VCAM1: variants seen among roughly 807,000 people sequenced by gnomAD.
VCAM1 encodes vascular cell adhesion protein 1.
In VCAM1, 41 loss-of-function variants were observed where a neutral mutation model predicts 63.8. The ratio of observed to expected loss-of-function variants is 0.64; its 90% CI spans 0.50 to 0.83. VCAM1 has a LOEUF of 0.83. VCAM1 is among the 40% of genes least tolerant of loss of function. The pLI is 0.00. For missense variants in VCAM1, 798 were observed against 875.5 expected, an observed-to-expected ratio of 0.91 and a Z score of 1.12; for synonymous variants, 338 against 320.7, an observed-to-expected ratio of 1.05 and a Z score of -0.58.
chr1:100,728,525 C>T (rs1445842953), intron 4 of VCAM1, among the ~76,000 whole-genome samples: 1 of 151,890 alleles, frequency 6.6e-6, no homozygotes, highest in Non-Finnish European at 1.5e-5. Context: ...TTGAATCAGA[C>T]CCACCTGGCA....
Position 100,731,228 on chromosome 1 carries a change from G to A in VCAM1, c.1235G>A (p.Ser412Asn), listed in dbSNP as rs1557905708. The A allele has an allele frequency of 6.2e-7, 1 of 1,612,700 alleles. No homozygotes were observed. Among genetic ancestry groups the A allele is most frequent in the East Asian group, 2.2e-5 (1 of 44,846 alleles). Residue 412 changes from serine to asparagine, a missense_variant, in exon 6 of 9, where the codon AGT becomes AAT. Transcript: ENST00000294728. This position sits in a 1 kb window ranked among gnomAD's most constrained non-coding sequence, Gnocchi z 4.2. ...CCTAGAGATCCAGAAATCGAGATGA[G>A]TGGTGGCCTCGTGAATGGGAGCTCT... Reference protein sequence around the residue: ...SFPRDPEIEMSGGLVNGSSVT... With the variant: ...SFPRDPEIEMNGGLVNGSSVT...
intron 6 of VCAM1, 28 bp from the exon 7 acceptor site, chr1:100,732,390 A>G: frequency 6.6e-7 from 1 of 1,517,762 alleles, no homozygotes; most frequent in South Asian, 1.3e-5. Context: ...ATAATAGGTC[A>G]AGCTAACAAG....
intron 8 of VCAM1, chr1:100,736,189 T>G (rs573278943): frequency 6.6e-6 from 1 of 152,342 alleles, no homozygotes; most frequent in East Asian, 1.9e-4. Flanking sequence ...CTAATTGCTT[T>G]ATCAAATTAG....
At chr1:100,727,797 A>G (rs976066438) in intron 4 of VCAM1, among the ~76,000 whole-genome samples, 3 of 152,120 alleles carry the variant, frequency 2.0e-5, no homozygotes, top group Admixed American at 6.6e-5. Flanking sequence ...GTTTTTGTGA[A>G]TGAGCTCTCT....
At chr1:100,735,777 A>G (rs1391264108) in intron 8 of VCAM1, 1 of 152,228 alleles carries the variant, frequency 6.6e-6, no homozygotes, top group African/African-American at 2.4e-5. Flanking sequence ...AGAAGGGGAA[A>G]ACATCACGAT....
chr1:100,732,783 A>G, intron 7 of VCAM1, 99 bp downstream of exon 7: 1 of 1,330,934 alleles, frequency 7.5e-7, no homozygotes, highest in Non-Finnish European at 1.0e-6. Flanking sequence ...TTTTACTACA[A>G]AAGTGTGATG....
chr1:100,732,705 G>A lies in VCAM1; in HGVS notation c.1792+21G>A, dbSNP rs745964919. The A allele has an allele frequency of 2.6e-6, 4 of 1,535,070 alleles. No homozygotes were observed. The South Asian group carries it at 5.2e-5, about 20-fold the overall frequency. ...CCAAGGTGAGCAGAGTGTGAGTAATGAGTTATCCTTGCTAGTAATGTTTTT... is the reference window on the plus strand; with the variant it reads ...CCAAGGTGAGCAGAGTGTGAGTAATAAGTTATCCTTGCTAGTAATGTTTTT... On this transcript the variant is annotated intron_variant, in intron 7 of 8. Coordinates refer to ENST00000294728, the MANE Select transcript of VCAM1 (RefSeq NM_001078.4).
chr1:100,731,166 GA>G lies in VCAM1; in HGVS notation c.1205-30del. 1 of 1,556,560 alleles carries G rather than the reference GA, an allele frequency of 6.4e-7. No homozygotes were observed. Among genetic ancestry groups the G allele is most frequent in the Non-Finnish European group, 8.7e-7 (1 of 1,154,898 alleles). ...AGCTCAATTTTTCCTTGAATATCAAGAATAAAAATCGTTTTTGCTTGCGATT... is the reference window on the plus strand; with the variant it reads ...AGCTCAATTTTTCCTTGAATATCAAGATAAAAATCGTTTTTGCTTGCGATT... On this transcript the variant is annotated intron_variant, in intron 5 of 8. Coordinates refer to ENST00000294728, the MANE Select transcript of VCAM1 (RefSeq NM_001078.4). This position sits in a 1 kb window ranked among gnomAD's most constrained non-coding sequence, Gnocchi z 4.2.
In VCAM1 at chr1:100,723,248, G is replaced by A; in HGVS notation, c.569G>A (p.Gly190Glu). The A allele has an allele frequency of 6.2e-7, 1 of 1,613,080 alleles. No individual in the cohort carries two copies. Among genetic ancestry groups the A allele is most frequent in the Non-Finnish European group, 8.5e-7 (1 of 1,179,372 alleles). The change falls in exon 3 of 9, where the codon GGA becomes GAA. Residue 190 changes from glycine to glutamate, a missense_variant. Transcript: ENST00000294728. ...TTTACTCCTGTCATTGAGGATATTGGAAAAGTTCTTGTTTGCCGAGCTAAA... is the reference window on the plus strand; with the variant it reads ...TTTACTCCTGTCATTGAGGATATTGAAAAAGTTCTTGTTTGCCGAGCTAAA... ...VTFTPVIEDI[G>E]KVLVCRAKLH... is the part of the protein sequence containing the mutation.
chr1:100,729,412 T>TG (rs769438544), intron 5 of VCAM1, 30 bp downstream of exon 5: 1 of 1,510,364 alleles, frequency 6.6e-7, no homozygotes, highest in South Asian at 1.4e-5. Context: ...GTTTACTGTT[T>TG]TTTTTTTTCA....
intron 4 of VCAM1, among the ~76,000 whole-genome samples, chr1:100,726,171 C>T (rs1200814264): frequency 2.0e-5 from 3 of 152,012 alleles, no homozygotes; most frequent in Non-Finnish European, 4.4e-5. Context: ...CTGTGCCTGG[C>T]TTGTTTCACT....
In VCAM1 at chr1:100,738,366, T is replaced by A. The variant is rs549123893; in HGVS notation, c.*83T>A. ...GCTCATCATTCCTTGAGAAAAACAA[T>A]GAGCTGAGAGGCAGACTTCCCTGAA... On this transcript the variant is annotated 3_prime_UTR_variant, in exon 9 of 9. Coordinates refer to ENST00000294728, the MANE Select transcript of VCAM1 (RefSeq NM_001078.4). The A allele has an allele frequency of 3.4e-6, 5 of 1,449,886 alleles. No homozygotes were observed. The South Asian group carries it at 7.1e-5, about 21-fold the overall frequency. The allele number at this position is 1,449,886 out of a possible 1,614,324, so 89.8% of individuals were successfully genotyped here.
intron 1 of VCAM1, 123 bp from the exon 2 acceptor site, chr1:100,720,353 A>T (rs1659915347): frequency 3.8e-6 from 5 of 1,306,470 alleles, no homozygotes; most frequent in Non-Finnish European, 5.2e-6. Flanking sequence ...CCTTGCAGTT[A>T]GTTTGAAGCA....
At position 100,733,791 on chromosome 1, in the gene VCAM1, G is replaced by A. The variant is rs572398372; in HGVS notation, c.1793-711G>A. On this transcript the variant is annotated intron_variant, in intron 7 of 8. Transcript: ENST00000294728. ...AATCCAACTCAAAACTCAGAAACCT[G>A]TAAAGGCCTTTGTACTTCAAGGAAA... Among the ~76,000 whole-genome samples, 10 of 152,256 alleles carry A rather than the reference G, an allele frequency of 6.6e-5. No individual in the cohort carries two copies. The South Asian group carries it at 2.1e-3, about 32-fold the overall frequency.
chr1:100,734,397 T>C, intron 7 of VCAM1, 105 bp from the exon 8 acceptor site: 3 of 1,280,830 alleles, frequency 2.3e-6, no homozygotes, highest in African/African-American at 3.0e-5. Context: ...ATGCAAACGC[T>C]AAGCACAAAT....
intron 4 of VCAM1, among the ~76,000 whole-genome samples, chr1:100,726,516 C>G (rs977930655): frequency 2.0e-5 from 3 of 152,064 alleles, no homozygotes; most frequent in Non-Finnish European, 4.4e-5. Flanking sequence ...AATGGCCTTT[C>G]TCCTTCCTTC....
At chr1:100,735,793 A>G (rs548920324) in intron 8 of VCAM1, 1 of 152,344 alleles carries the variant, frequency 6.6e-6, no homozygotes, top group African/African-American at 2.4e-5. Flanking sequence ...ACGATTATAT[A>G]TGAAACTTCT....
chr1:100,734,479 T>A, intron 7 of VCAM1, 23 bp from the exon 8 acceptor site: 1 of 1,595,740 alleles, frequency 6.3e-7, no homozygotes, highest in Non-Finnish European at 8.5e-7. Flanking sequence ...CAATCAGGGA[T>A]GTCTTTTAAA....
intron 4 of VCAM1, among the ~76,000 whole-genome samples, chr1:100,728,807 G>T (rs982623241): frequency 6.6e-6 from 1 of 151,626 alleles, no homozygotes; most frequent in Non-Finnish European, 1.5e-5. Flanking sequence ...CTCTTACAGT[G>T]ATTTGATAAA....
Sources: allele counts gnomAD v4.1 joint callset (sites outside exome capture counted in the v4.1 genomes callset), GRCh38; gene constraint gnomAD v4.1.1; non-coding constraint Gnocchi (gnomAD v3.1); transcripts MANE v1.5; gene names NCBI Gene and HGNC (gene_info 2026-07-23, HGNC 2026-07-21).